The following MON2 variants were observed in gnomAD, a reference collection of about 807,000 sequenced individuals.
The protein encoded by MON2 is protein MON2 homolog.
A neutral mutation model predicts 208.6 loss-of-function variants in MON2; 84 were observed. That is an observed-to-expected ratio of 0.40 (90% CI 0.34 to 0.48). The LOEUF (loss-of-function observed/expected upper bound fraction) is 0.48. Among genes scored for constraint, MON2 ranks in the 20% least tolerant of loss-of-function variants. The pLI is 0.59. For synonymous variants in MON2, 660 were observed against 694.0 expected, an observed-to-expected ratio of 0.95 and a Z score of 0.77; for missense variants, 1,611 against 2,015.4, an observed-to-expected ratio of 0.80 and a Z score of 3.84.
At chr12:62,538,570 T>C in intron 19 of MON2, 65 bp downstream of exon 19, 3 of 1,102,512 alleles carry the variant, frequency 2.7e-6, no homozygotes, top group Non-Finnish European at 4.1e-6. Flanking sequence ...ACATCCATTA[T>C]GATCTTAGTG....
chr12:62,555,755 G>A (rs1163453148), intron 24 of MON2, among the ~76,000 whole-genome samples: 3 of 150,264 alleles, frequency 2.0e-5, no homozygotes, highest in Non-Finnish European at 4.4e-5. Flanking sequence ...GTTGCAGTGA[G>A]GCGAGATTGT....
chr12:62,471,064 A>G (rs1019235400), intron 1 of MON2, among the ~76,000 whole-genome samples: 2 of 152,212 alleles, frequency 1.3e-5, no homozygotes, highest in African/African-American at 4.8e-5. Flanking sequence ...AGGCATGGTA[A>G]TCTTTTATAT....
intron 1 of MON2, among the ~76,000 whole-genome samples, chr12:62,479,083 C>T (rs774854855): frequency 5.3e-5 from 8 of 152,042 alleles, no homozygotes; most frequent in Non-Finnish European, 8.8e-5. Flanking sequence ...TTCAACATGT[C>T]GAATTTAAGG....
chr12:62,482,305 T>C (rs1468210888), intron 1 of MON2: 1 of 152,246 alleles, frequency 6.6e-6, no homozygotes, highest in African/African-American at 2.4e-5. Flanking sequence ...CTTGACATGC[T>C]TGGAGCCAAC....
chr12:62,489,249 A>G (rs939029152), intron 2 of MON2, among the ~76,000 whole-genome samples: 1 of 152,152 alleles, frequency 6.6e-6, no homozygotes, highest in Non-Finnish European at 1.5e-5. Context: ...GCATATTTTT[A>G]TAACCTCCTT....
chr12:62,469,115 CTTT>C (rs564958691), intron 1 of MON2, among the ~76,000 whole-genome samples: 625 of 113,476 alleles, frequency 5.5e-3, no homozygotes, highest in Non-Finnish European at 6.7e-3. Flanking sequence ...AATTTTTCGC[CTTT>C]TTTTTTTTTT....
chr12:62,543,758 C>T (rs1257839033), intron 20 of MON2, among the ~76,000 whole-genome samples: 1 of 152,148 alleles, frequency 6.6e-6, no homozygotes, highest in Non-Finnish European at 1.5e-5. Context: ...CAGGCGCATA[C>T]CACCACACCT....
chr12:62,516,662 C>T (rs963089206), intron 8 of MON2, among the ~76,000 whole-genome samples: 8 of 152,088 alleles, frequency 5.3e-5, no homozygotes, highest in South Asian at 2.1e-4. Context: ...CAAGATTGTG[C>T]GATTGCACTC....
intron 2 of MON2, among the ~76,000 whole-genome samples, chr12:62,492,100 C>G (rs1279917408): frequency 2.6e-5 from 4 of 152,148 alleles, no homozygotes; most frequent in Non-Finnish European, 5.9e-5. Flanking sequence ...TGTGCTAAAT[C>G]AGTAATTTAT....
At chr12:62,488,142 G>A (rs527871419) in intron 2 of MON2, among the ~76,000 whole-genome samples, 1 of 152,066 alleles carries the variant, frequency 6.6e-6, no homozygotes, top group Non-Finnish European at 1.5e-5. Flanking sequence ...ATTTGAGTAC[G>A]TGAGTTTTAT....
chr12:62,555,807 T>TAA (rs36090980), intron 24 of MON2, among the ~76,000 whole-genome samples, 187 bp from the exon 25 acceptor site: 48 of 120,248 alleles, frequency 4.0e-4, no homozygotes, highest in Admixed American at 7.0e-4. Flanking sequence ...AGACTCCATC[T>TAA]AAAAAAAAAA....
chr12:62,563,559 C>A (rs1439471324), intron 26 of MON2, among the ~76,000 whole-genome samples: 3 of 151,968 alleles, frequency 2.0e-5, no homozygotes, highest in African/African-American at 2.4e-5. Flanking sequence ...CAGGTTTATT[C>A]TATAGATTTT....
Position 62,558,917 on chromosome 12 carries a change from C to T in MON2, c.3410-1574C>T, listed in dbSNP as rs190636187. The stretch of plus-strand genomic sequence containing the variant: ...TTCATCATGTTGGCCAGGCTGGTCC[C>T]GAACTCCTGACCTCTGGTGATCCAC... On this transcript the variant is annotated intron_variant, in intron 25 of 34. Transcript: ENST00000393630. 9.8e-3 allele frequency among the ~76,000 whole-genome samples: 1,487 copies of T among 152,058 alleles called. 27 individuals carry two copies. Among genetic ancestry groups the T allele is most frequent in the African/African-American group, 0.034 (1,413 of 41,458 alleles).
intron 32 of MON2, among the ~76,000 whole-genome samples, 160 bp from the exon 33 acceptor site, chr12:62,585,134 A>C (rs915707697): frequency 4.1e-5 from 6 of 147,772 alleles, no homozygotes; most frequent in Non-Finnish European, 7.4e-5. Flanking sequence ...ACAAAAAAAA[A>C]ACACATTTTC....
chr12:62,559,507 GT>G (rs1473767894), intron 25 of MON2, among the ~76,000 whole-genome samples: 2 of 152,124 alleles, frequency 1.3e-5, no homozygotes, highest in African/African-American at 4.8e-5. Flanking sequence ...GCCAAGTGTG[GT>G]GGTGTGCATC....
In MON2 at chr12:62,594,818, T is replaced by C. The variant is rs1329611325; in HGVS notation, c.*2069T>C. On this transcript the variant is annotated 3_prime_UTR_variant, in exon 35 of 35. Transcript: ENST00000393630. ...TAATATCATATAATAAGGTAATAAA[T>C]GCCAGTCTTAGTGTGAAGCAAGTGG... is the stretch of plus-strand genomic sequence containing the variant. The C allele has an allele frequency of 6.6e-6, 1 of 152,248 alleles. No individual in the cohort carries two copies. Among genetic ancestry groups the C allele is most frequent in the Non-Finnish European group, 1.5e-5 (1 of 68,046 alleles). The allele number at this position is 152,248 out of a possible 1,614,324, so 9.4% of individuals were successfully genotyped here.
In MON2 at chr12:62,560,682, C is replaced by T. The variant is rs368625495; in HGVS notation, c.3601C>T (p.Pro1201Ser). ...TGTACCTGTGCCTGTTCTTATAGGG[C>T]CCATATCAGGCATGAGCAGGCCATT... ...VNVPVPVLIG[P>S]ISGMSRPFVR... The change falls in exon 26 of 35, where the codon CCC becomes TCC. Residue 1201 changes from proline (P) to serine (S), a missense_variant. By Grantham distance (74) the Pro-to-Ser change is moderately conservative. Transcript: ENST00000393630. 3.1e-6 allele frequency: 5 copies of T among 1,613,830 alleles called. No homozygotes were observed. Among genetic ancestry groups the T allele is most frequent in the Non-Finnish European group, 3.4e-6 (4 of 1,179,884 alleles).
At chr12:62,476,951 T>A (rs189290168) in intron 1 of MON2, among the ~76,000 whole-genome samples, 1 of 152,176 alleles carries the variant, frequency 6.6e-6, no homozygotes, top group East Asian at 1.9e-4. Flanking sequence ...GAGATAGGAA[T>A]TCGAGACTAG....
At chr12:62,515,032 T>C (rs113472357) in intron 8 of MON2, among the ~76,000 whole-genome samples, 6 of 152,270 alleles carry the variant, frequency 3.9e-5, no homozygotes, top group African/African-American at 1.4e-4. Flanking sequence ...TTGTGCACTG[T>C]TGGTGGGAAT....
Sources: gnomAD v4.1 joint callset for allele counts (sites outside exome capture counted in the v4.1 genomes callset) on GRCh38, gnomAD v4.1.1 for gene constraint, MANE v1.5 for transcripts, NCBI Gene and HGNC (gene_info 2026-07-23, HGNC 2026-07-21) for gene names.